The following PRKD1 variants were observed in gnomAD, a reference collection of about 807,000 sequenced individuals.
PRKD1 encodes the protein protein kinase D1, also known as serine/threonine-protein kinase D1.
In PRKD1, 63 loss-of-function variants were observed where a neutral mutation model predicts 95.9. The ratio of observed to expected loss-of-function variants is 0.66; its 90% CI spans 0.54 to 0.81. The LOEUF is 0.81. Among genes scored for constraint, PRKD1 ranks in the 30% least tolerant of loss-of-function variants. The probability of loss-of-function intolerance (pLI) is 0.00; values close to 1 mark genes in which losing one functional copy is unlikely to be tolerated. For missense variants in PRKD1, 1,048 were observed against 1,165.3 expected (o/e 0.90, Z 1.47); for synonymous variants, 425 against 423.1 (o/e 1.00, Z -0.05).
At chr14:29,680,869 A>G (rs567314702) in intron 2 of PRKD1, among the ~76,000 whole-genome samples, 6 of 152,188 alleles carry the variant, frequency 3.9e-5, no homozygotes, top group Non-Finnish European at 1.5e-5. Flanking sequence ...AGATGGAGGA[A>G]TTGATTGTAA....
intron 1 of PRKD1, chr14:29,751,275 C>T (rs1324795995): frequency 6.6e-6 from 1 of 152,202 alleles, no homozygotes. Flanking sequence ...AGCCTGAAAA[C>T]TGCTATTCTA....
chr14:29,592,549 A>G (rs746475590), intron 16 of PRKD1, among the ~76,000 whole-genome samples: 3 of 151,360 alleles, frequency 2.0e-5, no homozygotes, highest in Non-Finnish European at 3.0e-5. Context: ...GAATGCTTAC[A>G]TTTATAAAAA....
intron 4 of PRKD1, among the ~76,000 whole-genome samples, chr14:29,659,693 TA>T (rs1249200771): frequency 3.5e-4 from 54 of 152,336 alleles, no homozygotes; most frequent in African/African-American, 1.2e-3. Context: ...ATTACAGACT[TA>T]ACTTTACAGT....
chr14:29,874,022 G>A (rs1042522804), intron 1 of PRKD1, among the ~76,000 whole-genome samples: 12 of 152,100 alleles, frequency 7.9e-5, no homozygotes, highest in Non-Finnish European at 2.9e-5. Context: ...ATTTGCTAGA[G>A]TTCTAACATT....
intron 2 of PRKD1, among the ~76,000 whole-genome samples, chr14:29,698,295 T>C (rs533217472): frequency 2.6e-5 from 4 of 152,302 alleles, no homozygotes; most frequent in Non-Finnish European, 5.9e-5. Context: ...CAGGATGTCA[T>C]TTTTTAATGA....
intron 1 of PRKD1, among the ~76,000 whole-genome samples, chr14:29,817,386 T>G (rs958549937): frequency 1.3e-5 from 2 of 152,160 alleles, no homozygotes; most frequent in Non-Finnish European, 2.9e-5. Flanking sequence ...AGGTCCCCTA[T>G]CTCTCTGAAG....
chr14:29,844,983 T>C (rs1452412160), intron 1 of PRKD1, among the ~76,000 whole-genome samples: 1 of 152,226 alleles, frequency 6.6e-6, no homozygotes, highest in Non-Finnish European at 1.5e-5. Context: ...TAACCTCCTG[T>C]AGCACAGCAA....
intron 1 of PRKD1, among the ~76,000 whole-genome samples, chr14:29,875,154 G>A (rs1893241986): frequency 6.6e-6 from 1 of 152,030 alleles, no homozygotes; most frequent in African/African-American, 2.4e-5. Flanking sequence ...ACCTATCTTA[G>A]GCAAATCTTT....
At chr14:29,893,966 T>A (rs577923137) in intron 1 of PRKD1, among the ~76,000 whole-genome samples, 1 of 152,344 alleles carries the variant, frequency 6.6e-6, no homozygotes, top group Non-Finnish European at 1.5e-5. Context: ...TTTGACCTCA[T>A]GGAACCCAGA....
At chr14:29,757,333 A>G (rs185063498) in intron 1 of PRKD1, among the ~76,000 whole-genome samples, 161 of 152,340 alleles carry the variant, frequency 1.1e-3, no homozygotes, top group Admixed American at 3.9e-3. Flanking sequence ...CTGCAGAGCC[A>G]TGCAGCTAAA....
At chr14:29,731,113 G>A (rs1405968145) in intron 1 of PRKD1, among the ~76,000 whole-genome samples, 3 of 152,038 alleles carry the variant, frequency 2.0e-5, no homozygotes, top group Non-Finnish European at 4.4e-5. Flanking sequence ...GTGGTATATG[G>A]TAAATATACA....
intron 1 of PRKD1, among the ~76,000 whole-genome samples, chr14:29,879,298 G>A (rs761809460): frequency 3.4e-4 from 52 of 152,308 alleles, no homozygotes; most frequent in African/African-American, 9.9e-4. Context: ...GGTGGGGCGC[G>A]GGTAATTTAA....
intron 4 of PRKD1, among the ~76,000 whole-genome samples, chr14:29,662,374 A>C (rs1391330559): frequency 6.6e-6 from 1 of 152,162 alleles, no homozygotes; most frequent in Non-Finnish European, 1.5e-5. Context: ...ACAGACTTTG[A>C]CTTAAGCACT....
chr14:29,796,622 A>C (rs553860966), intron 1 of PRKD1, among the ~76,000 whole-genome samples: 19 of 152,252 alleles, frequency 1.2e-4, no homozygotes, highest in African/African-American at 4.6e-4. Context: ...GGTCTGAAAA[A>C]TGTGGAGGAA....
intron 16 of PRKD1, among the ~76,000 whole-genome samples, chr14:29,579,365 C>T (rs938254142): frequency 1.3e-5 from 2 of 151,960 alleles, no homozygotes; most frequent in African/African-American, 4.8e-5. Flanking sequence ...TAATAGGAAG[C>T]ATTTATATTT....
chr14:29,606,832 T>G (rs773445489), intron 13 of PRKD1, among the ~76,000 whole-genome samples: 22 of 152,228 alleles, frequency 1.4e-4, no homozygotes, highest in Non-Finnish European at 2.5e-4. Context: ...TATTTTTTTA[T>G]TTAACCCAGA....
chr14:29,826,815 AC>A (rs1891193559), intron 1 of PRKD1, among the ~76,000 whole-genome samples: 1 of 46,466 alleles, frequency 2.2e-5, no homozygotes, highest in Non-Finnish European at 3.8e-5. Flanking sequence ...ATATATATAC[AC>A]ATATATATAT....
Position 29,826,844 on chromosome 14 carries a change from C to CATATATATATATAT in PRKD1, c.264+100391_264+100404dup, listed in dbSNP as rs1228527833. ...ATATATATATATATATATATACACACATATATATATATATATATATATATA... is the reference window on the plus strand; with the variant it reads ...ATATATATATATATATATATACACACATATATATATATATATATATATATATATATATATATATA... On this transcript the variant is annotated intron_variant, in intron 1 of 17. Coordinates refer to ENST00000331968, the MANE Select transcript of PRKD1 (RefSeq NM_002742.3). Among the ~76,000 whole-genome samples the CATATATATATATAT allele has an allele frequency of 1.8e-3, 53 of 28,660 alleles. 2 individuals are homozygous for CATATATATATATAT. The highest frequency in any genetic ancestry group is 4.7e-3 in the East Asian group (4 of 856). 18.8% of individuals were successfully genotyped at this position (28,660 alleles called of 152,430 possible). A position where few individuals can be genotyped will look rare whatever the true frequency, so the allele number is the denominator to read the frequency against.
intron 1 of PRKD1, among the ~76,000 whole-genome samples, chr14:29,792,463 G>A (rs1051645073): frequency 6.6e-6 from 1 of 152,050 alleles, no homozygotes; most frequent in African/African-American, 2.4e-5. Context: ...ATATCAACTT[G>A]TCTCAAATGT....
Sources: allele counts gnomAD v4.1 joint callset (sites outside exome capture counted in the v4.1 genomes callset), GRCh38; gene constraint gnomAD v4.1.1; transcripts MANE v1.5; gene names NCBI Gene and HGNC (gene_info 2026-07-23, HGNC 2026-07-21).